The following CHN2 variants were observed in gnomAD, a reference collection of about 807,000 sequenced individuals.
CHN2 encodes beta-chimaerin.
Under a neutral mutation model 56.3 loss-of-function variants are expected in CHN2, and 35 were observed. That is an observed-to-expected ratio of 0.62 (90% confidence interval 0.47 to 0.82). CHN2 has a LOEUF of 0.82. Among genes scored for constraint, CHN2 ranks in the 40% least tolerant of loss-of-function variants. The pLI is 0.00. For synonymous variants in CHN2, 210 were observed against 212.8 expected (o/e 0.99, Z 0.12); for missense variants, 491 against 580.5 (o/e 0.85, Z 1.58).
chr7:29,343,729 C>G (rs34926253), intron 1 of CHN2, among the ~76,000 whole-genome samples: 39,615 of 151,908 alleles, frequency 0.26, 5,379 homozygotes, highest in Non-Finnish European at 0.3. Context: ...AGTGCTGGTG[C>G]TCCTCAGGGG....
At chr7:29,301,651 T>G (rs10269640) in intron 1 of CHN2, among the ~76,000 whole-genome samples, 51,789 of 151,614 alleles carry the variant, frequency 0.34, 9,163 homozygotes, top group African/African-American at 0.42. Flanking sequence ...TCTTAACATC[T>G]CTCTGCCTCA....
chr7:29,273,644 C>CT (rs1790942304), intron 1 of CHN2, among the ~76,000 whole-genome samples: 1 of 151,768 alleles, frequency 6.6e-6, no homozygotes, highest in Admixed American at 6.6e-5. Context: ...CAACATTATA[C>CT]TAGGTTTTCC....
intron 8 of CHN2, among the ~76,000 whole-genome samples, chr7:29,498,194 A>G (rs1043960464): frequency 4.5e-4 from 68 of 152,362 alleles, no homozygotes; most frequent in African/African-American, 1.5e-3. Context: ...TTGACCTAAC[A>G]TGTATACAAT....
At chr7:29,395,835 T>C (rs544053082) in intron 4 of CHN2, among the ~76,000 whole-genome samples, 107 of 152,350 alleles carry the variant, frequency 7.0e-4, no homozygotes, top group Admixed American at 1.8e-3. Context: ...ATTGACACTG[T>C]TTGACGCTGT....
intron 2 of CHN2, among the ~76,000 whole-genome samples, chr7:29,175,118 C>A (rs934241954): frequency 6.6e-6 from 1 of 151,842 alleles, no homozygotes; most frequent in Non-Finnish European, 1.5e-5. Context: ...GTGCTTCCCC[C>A]ATACTGTTCT....
chr7:29,414,283 AT>A (rs1803523307), intron 6 of CHN2, among the ~76,000 whole-genome samples: 1 of 152,174 alleles, frequency 6.6e-6, no homozygotes, highest in South Asian at 2.1e-4. Flanking sequence ...GAACTCTGGG[AT>A]TGTAAAATGA....
At chr7:29,189,139 C>CG (rs1799085428) in intron 2 of CHN2, among the ~76,000 whole-genome samples, 1 of 151,770 alleles carries the variant, frequency 6.6e-6, no homozygotes, top group Non-Finnish European at 1.5e-5. Context: ...TTAGTAGAGA[C>CG]GGGGTTTCAC....
intron 6 of CHN2, among the ~76,000 whole-genome samples, chr7:29,411,726 C>A (rs1323439643): frequency 6.6e-6 from 1 of 152,092 alleles, no homozygotes; most frequent in Non-Finnish European, 1.5e-5. Context: ...AGGCTTCCCG[C>A]CACCCGATAG....
intron 1 of CHN2, among the ~76,000 whole-genome samples, chr7:29,273,326 C>CATAT (rs139183819): frequency 0.051 from 3,926 of 77,720 alleles, 201 homozygotes; most frequent in Non-Finnish European, 0.061. Flanking sequence ...TTCCATCATG[C>CATAT]ATATATATAT....
chr7:29,270,002 T>A (rs1790490402), intron 1 of CHN2, among the ~76,000 whole-genome samples: 1 of 152,232 alleles, frequency 6.6e-6, no homozygotes, highest in Non-Finnish European at 1.5e-5. Flanking sequence ...GTGAAACCAA[T>A]TTAAGTAGAA....
intron 6 of CHN2, among the ~76,000 whole-genome samples, chr7:29,403,135 A>T (rs1400786976): frequency 6.6e-6 from 1 of 152,136 alleles, no homozygotes; most frequent in Non-Finnish European, 1.5e-5. Context: ...TTTTGTTAGT[A>T]GTTTGTTAAG....
chr7:29,161,811 A>T (rs1205804818), intron 2 of CHN2, among the ~76,000 whole-genome samples: 1 of 152,264 alleles, frequency 6.6e-6, no homozygotes, highest in Non-Finnish European at 1.5e-5. Context: ...ATATATAAAG[A>T]GTTCTCTAAA....
chr7:29,409,525 A>C (rs1027067882), intron 6 of CHN2, among the ~76,000 whole-genome samples: 1 of 152,170 alleles, frequency 6.6e-6, no homozygotes, highest in African/African-American at 2.4e-5. Context: ...GGCTTCTCAC[A>C]TCTGCTCCTG....
At chr7:29,409,483 C>T (rs978793593) in intron 6 of CHN2, among the ~76,000 whole-genome samples, 3 of 152,020 alleles carry the variant, frequency 2.0e-5, no homozygotes, top group African/African-American at 7.2e-5. Flanking sequence ...TTTTGTAAAT[C>T]TCTTTAGTGT....
Position 29,170,251 on chromosome 7 carries a change from T to C in CHN2, c.274+23291T>C, listed in dbSNP as rs771557007. ...TGGTGATACTGATGAAACTCTTCTT[T>C]TGTTTTAATATCTGACAAATTTCTT... On this transcript the variant is annotated intron_variant, in intron 2 of 6. Coordinates refer to the CHN2 transcript ENST00000439384. Among the ~76,000 whole-genome samples, 50 of 152,252 alleles carry C rather than the reference T, an allele frequency of 3.3e-4. 1 individual carries two copies. The highest frequency in any genetic ancestry group is 6.2e-4 in the Non-Finnish European group (42 of 67,996).
intron 3 of CHN2, among the ~76,000 whole-genome samples, chr7:29,376,106 G>C (rs1800059060): frequency 6.6e-6 from 1 of 152,134 alleles, no homozygotes; most frequent in Non-Finnish European, 1.5e-5. Context: ...CCTTGATTCT[G>C]CTTTCCATTG....
chr7:29,317,971 G>A (rs773257667), intron 1 of CHN2, among the ~76,000 whole-genome samples: 1 of 152,192 alleles, frequency 6.6e-6, no homozygotes, highest in Non-Finnish European at 1.5e-5. Flanking sequence ...GCAGCAGAAC[G>A]AGACCCTGTC....
At chr7:29,358,551 C>A (rs1018670736) in intron 2 of CHN2, among the ~76,000 whole-genome samples, 1 of 152,120 alleles carries the variant, frequency 6.6e-6, no homozygotes, top group Non-Finnish European at 1.5e-5. Flanking sequence ...CAAGCCCCGC[C>A]TCCCGAGTTC....
intron 7 of CHN2, among the ~76,000 whole-genome samples, chr7:29,488,723 G>C (rs868112502): frequency 4.1e-4 from 62 of 151,804 alleles, no homozygotes; most frequent in Middle Eastern, 3.4e-3. Context: ...ATTTGTCAAT[G>C]CCTACAGATA....
Sources: allele counts gnomAD v4.1 joint callset (sites outside exome capture counted in the v4.1 genomes callset), GRCh38; gene constraint gnomAD v4.1.1; transcripts MANE v1.5; gene names NCBI Gene and HGNC (gene_info 2026-07-23, HGNC 2026-07-21).